The following RIMS2 variants were observed in gnomAD, a reference collection of about 807,000 sequenced individuals.
RIMS2 encodes regulating synaptic membrane exocytosis 2, also known as regulating synaptic membrane exocytosis protein 2.
RIMS2 carries 59 observed loss-of-function variants against 174.4 expected under a neutral mutation model. The ratio of observed to expected loss-of-function variants is 0.34; its 90% confidence interval spans 0.27 to 0.42. The LOEUF is 0.42. Among genes scored for constraint, RIMS2 ranks in the 10% least tolerant of loss-of-function variants. The pLI, the probability that RIMS2 is intolerant of heterozygous loss-of-function variation, is 1.00. For missense variants in RIMS2, 1,620 were observed against 1,666.3 expected (o/e 0.97, Z 0.48); for synonymous variants, 606 against 572.5 (o/e 1.06, Z -0.84).
intron 3 of RIMS2, among the ~76,000 whole-genome samples, chr8:103,833,312 A>G (rs936831160): frequency 2.0e-5 from 3 of 152,052 alleles, no homozygotes; most frequent in Admixed American, 6.5e-5. Flanking sequence ...TTCTGTGTAT[A>G]ATAGTCTTGT....
chr8:103,579,938 T>A (rs1424905925), intron 1 of RIMS2, among the ~76,000 whole-genome samples: 3 of 152,096 alleles, frequency 2.0e-5, no homozygotes, highest in Admixed American at 2.0e-4. Flanking sequence ...TGCACATTTT[T>A]AAACAACCAG....
At chr8:103,765,269 C>G (rs2098157066) in intron 2 of RIMS2, among the ~76,000 whole-genome samples, 1 of 151,974 alleles carries the variant, frequency 6.6e-6, no homozygotes, top group South Asian at 2.1e-4. Flanking sequence ...GGGTGAAGGG[C>G]TTTCTGGCCA....
At chr8:104,101,888 C>T (rs2097910422) in intron 19 of RIMS2, among the ~76,000 whole-genome samples, 1 of 151,930 alleles carries the variant, frequency 6.6e-6, no homozygotes, top group Admixed American at 6.6e-5. Flanking sequence ...TTTTGTCTGC[C>T]CTCTTGGCTT....
intron 19 of RIMS2, among the ~76,000 whole-genome samples, chr8:104,089,981 C>T (rs1320752810): frequency 4.0e-5 from 6 of 151,486 alleles, no homozygotes; most frequent in African/African-American, 1.2e-4. Context: ...GAGGAAGATA[C>T]TGTGCTGGCC....
chr8:103,987,144 A>G (rs956768684), intron 16 of RIMS2, among the ~76,000 whole-genome samples: 1 of 152,052 alleles, frequency 6.6e-6, no homozygotes, highest in African/African-American at 2.4e-5. Context: ...ATAATAAAAT[A>G]TATATGTATT....
At position 103,581,502 on chromosome 8, in the gene RIMS2, T is replaced by C. The variant is rs563084864; in HGVS notation, c.176+80440T>C. On this transcript the variant is annotated intron_variant, in intron 1 of 23. Coordinates refer to ENST00000504942, the Ensembl canonical transcript of RIMS2. ...AAATAATAAAGGCCATATGTGAAAATCCCCCAGCTAACATCATACTGAATG... is the reference window on the plus strand; with the variant it reads ...AAATAATAAAGGCCATATGTGAAAACCCCCCAGCTAACATCATACTGAATG... Among the ~76,000 whole-genome samples the C allele has an allele frequency of 2.0e-5, 3 of 151,104 alleles. No individual in the cohort carries two copies. In the South Asian group the frequency reaches 6.3e-4, roughly 32 times the overall value.
chr8:104,142,765 G>A (rs1181667374), intron 19 of RIMS2, among the ~76,000 whole-genome samples: 2 of 152,102 alleles, frequency 1.3e-5, no homozygotes, highest in East Asian at 1.9e-4. Flanking sequence ...TTGTTAATTA[G>A]CCAAATGTTT....
At chr8:103,977,375 T>C (rs997065497) in intron 16 of RIMS2, 2 of 152,224 alleles carry the variant, frequency 1.3e-5, no homozygotes, top group African/African-American at 2.4e-5. Context: ...TAATCTGAAA[T>C]TTAAAGTTTG....
intron 3 of RIMS2, among the ~76,000 whole-genome samples, chr8:103,873,081 A>G (rs960944050): frequency 1.9e-4 from 29 of 151,936 alleles, no homozygotes; most frequent in African/African-American, 7.0e-4. Context: ...ACTGAACACA[A>G]CTCTAGACTT....
At chr8:104,246,515 C>A (rs866465309) in intron 20 of RIMS2, among the ~76,000 whole-genome samples, 1 of 151,826 alleles carries the variant, frequency 6.6e-6, no homozygotes, top group Non-Finnish European at 1.5e-5. Flanking sequence ...ATAGAGAAGA[C>A]AAACAATAAG....
At chr8:103,501,225 G>A (rs1819618694) in intron 1 of RIMS2, among the ~76,000 whole-genome samples, 163 bp downstream of exon 1, 1 of 152,044 alleles carries the variant, frequency 6.6e-6, no homozygotes, top group Admixed American at 6.5e-5. Context: ...CTGTTTTAGG[G>A]GTGTCTGAGA....
chr8:103,561,634 G>C (rs2091611052), intron 1 of RIMS2, among the ~76,000 whole-genome samples: 1 of 152,146 alleles, frequency 6.6e-6, no homozygotes, highest in Admixed American at 6.6e-5. Flanking sequence ...AAAAAAGTGT[G>C]TTCCTATTAT....
intron 1 of RIMS2, among the ~76,000 whole-genome samples, chr8:103,630,692 A>G (rs1381195808): frequency 2.0e-5 from 3 of 152,014 alleles, no homozygotes; most frequent in Non-Finnish European, 4.4e-5. Context: ...ACATATTCCT[A>G]GAAAACTATG....
chr8:103,703,435 G>A (rs1047735161), intron 2 of RIMS2, among the ~76,000 whole-genome samples: 126 of 151,840 alleles, frequency 8.3e-4, no homozygotes, highest in African/African-American at 2.4e-3. Flanking sequence ...ACAGGGTTTC[G>A]CCATATTGGT....
intron 4 of RIMS2, among the ~76,000 whole-genome samples, chr8:103,900,583 A>G (rs1000793287): frequency 6.6e-6 from 1 of 152,152 alleles, no homozygotes; most frequent in Admixed American, 6.6e-5. Context: ...GACTTGGGCC[A>G]GGACTCAATT....
chr8:103,898,479 T>G (rs1249253125), intron 4 of RIMS2, among the ~76,000 whole-genome samples: 1 of 151,690 alleles, frequency 6.6e-6, no homozygotes, highest in Non-Finnish European at 1.5e-5. Context: ...ATGCAACATC[T>G]GGCATGTTAA....
rs538440533 is a variant in RIMS2 at position 103,692,454 on chromosome 8, C to T, written c.177-4632C>T. 1.1e-3 allele frequency among the ~76,000 whole-genome samples: 173 copies of T among 152,290 alleles called. 1 individual carries two copies. The highest frequency in any genetic ancestry group is 1.9e-3 in the Non-Finnish European group (130 of 68,030). ...TTCTTCCCACTCTTCTCTCTTTTTT[C>T]CACAAGCAGTGAAGTCTCTTCCTAT... is the stretch of plus-strand genomic sequence containing the variant. On this transcript the variant is annotated intron_variant, in intron 1 of 23. Transcript: ENST00000504942.
At chr8:103,719,177 T>C (rs531138202) in intron 2 of RIMS2, among the ~76,000 whole-genome samples, 71 of 152,284 alleles carry the variant, frequency 4.7e-4, no homozygotes, top group Admixed American at 2.9e-3. Context: ...TGACCAGCCA[T>C]TTGTGATGAT....
At chr8:104,090,184 A>G (rs975051991) in intron 19 of RIMS2, among the ~76,000 whole-genome samples, 1 of 151,750 alleles carries the variant, frequency 6.6e-6, no homozygotes, top group South Asian at 2.1e-4. Context: ...CCTTTACACT[A>G]TTATAACGCT....
Sources: allele counts gnomAD v4.1 joint callset (sites outside exome capture counted in the v4.1 genomes callset), GRCh38; gene constraint gnomAD v4.1.1; transcripts MANE v1.5; gene names NCBI Gene and HGNC (gene_info 2026-07-23, HGNC 2026-07-21).